The following CHRDL2 variants were observed in gnomAD, a reference collection of about 807,000 sequenced individuals.
CHRDL2 encodes the protein chordin-like protein 2.
A neutral mutation model predicts 54.3 loss-of-function variants in CHRDL2; 41 were observed. The observed-to-expected ratio is 0.76, with a 90% CI of 0.59 to 0.98. The LOEUF (loss-of-function observed/expected upper bound fraction) is 0.98. Among genes scored for constraint, CHRDL2 ranks in the 50% least tolerant of loss-of-function variants. CHRDL2 has a pLI of 0.00. For synonymous variants in CHRDL2, 220 were observed against 224.3 expected (o/e 0.98, Z 0.17); for missense variants, 518 against 562.4 (o/e 0.92, Z 0.80).
chr11:74,718,123 G>T (rs1202836771), intron 2 of CHRDL2, among the ~76,000 whole-genome samples: 1 of 152,196 alleles, frequency 6.6e-6, no homozygotes, highest in East Asian at 1.9e-4. Context: ...CCAGGTGTGA[G>T]TGAGGGCCCA....
At chr11:74,723,380 T>G (rs1157192669) in intron 1 of CHRDL2, among the ~76,000 whole-genome samples, 2 of 152,210 alleles carry the variant, frequency 1.3e-5, no homozygotes, top group Non-Finnish European at 2.9e-5. Context: ...AGTGGATGCC[T>G]GAAACCACAG....
At chr11:74,719,512 T>A (rs2034456318) in intron 1 of CHRDL2, among the ~76,000 whole-genome samples, 1 of 151,866 alleles carries the variant, frequency 6.6e-6, no homozygotes, top group Non-Finnish European at 1.5e-5. Flanking sequence ...AGAGGAGGAT[T>A]GGCAGGGATG....
At position 74,711,220 on chromosome 11, in the gene CHRDL2, C is replaced by T. The variant is rs144637691; in HGVS notation, c.290-229G>A. ...CCCTCCCATGACCTCTACCACAGCCCTCCAGCCCCCTCAGTGTCTGGGCCA... is the reference window on the plus strand; with the variant it reads ...CCCTCCCATGACCTCTACCACAGCCTTCCAGCCCCCTCAGTGTCTGGGCCA... On this transcript the variant is annotated intron_variant, in intron 3 of 10. Coordinates refer to ENST00000376332, the MANE Select transcript of CHRDL2 (RefSeq NM_001278473.3). 1.2e-4 allele frequency among the ~76,000 whole-genome samples: 18 copies of T among 152,308 alleles called. No homozygotes were observed. In the East Asian group the frequency reaches 3.3e-3, roughly 28 times the overall value.
chr11:74,723,155 G>A (rs766977994), intron 1 of CHRDL2, among the ~76,000 whole-genome samples: 2 of 152,120 alleles, frequency 1.3e-5, no homozygotes, highest in African/African-American at 4.8e-5. Context: ...GTACAGATTT[G>A]AGAAACACTT....
chr11:74,730,672 G>C lies in CHRDL2; in HGVS notation c.82+135C>G, dbSNP rs1395618615. ...TCCCCCGGCCCATACTGGTCCTCAC[G>C]GAGTCTCCACCCCTCCGGCACAGGT... On this transcript the variant is annotated intron_variant, in intron 1 of 10. Transcript: ENST00000376332. 3.4e-5 allele frequency: 27 copies of C among 801,950 alleles called. 1 individual carries two copies. The allele number at this position is 801,950 out of a possible 1,614,324, so 49.7% of individuals were successfully genotyped here. A position where few individuals can be genotyped will look rare whatever the true frequency, so the allele number is the denominator to read the frequency against.
intron 1 of CHRDL2, among the ~76,000 whole-genome samples, chr11:74,720,517 G>GC (rs1424130439): frequency 1.3e-5 from 2 of 151,966 alleles, no homozygotes; most frequent in African/African-American, 4.8e-5. Flanking sequence ...TTCTCTCTCT[G>GC]CCCCACCAGC....
chr11:74,709,954 C>T (rs1056324525), intron 4 of CHRDL2, among the ~76,000 whole-genome samples: 3 of 152,124 alleles, frequency 2.0e-5, no homozygotes, highest in African/African-American at 2.4e-5. Flanking sequence ...CGGTGGCTCA[C>T]GCCTGTAATC....
At chr11:74,701,683 T>G (rs2033817495) in intron 9 of CHRDL2, 1 of 696,090 alleles carries the variant, frequency 1.4e-6, no homozygotes, top group Non-Finnish European at 2.7e-6. Context: ...ACTCTCAGGA[T>G]CGTTGAGGAT....
At chr11:74,720,586 G>T (rs1181280719) in intron 1 of CHRDL2, among the ~76,000 whole-genome samples, 1 of 136,500 alleles carries the variant, frequency 7.3e-6, no homozygotes, top group Admixed American at 8.3e-5. Flanking sequence ...AAATGGAGAA[G>T]CTGCCTCTCA....
At chr11:74,698,076 T>C (rs1206207885) in intron 9 of CHRDL2, among the ~76,000 whole-genome samples, 1 of 151,354 alleles carries the variant, frequency 6.6e-6, no homozygotes, top group African/African-American at 2.4e-5. Context: ...TCTTTTTTTT[T>C]TTTTTTGACG....
At chr11:74,707,949 C>T (rs1194046052) in intron 5 of CHRDL2, among the ~76,000 whole-genome samples, 3 of 152,126 alleles carry the variant, frequency 2.0e-5, no homozygotes, top group Admixed American at 6.6e-5. Flanking sequence ...TCCTCTACCA[C>T]GCCCAGACTT....
At chr11:74,722,811 T>C (rs2034518395) in intron 1 of CHRDL2, among the ~76,000 whole-genome samples, 1 of 152,092 alleles carries the variant, frequency 6.6e-6, no homozygotes, top group Non-Finnish European at 1.5e-5. Context: ...CCACAGACCT[T>C]GGGCGGGGAT....
intron 3 of CHRDL2, among the ~76,000 whole-genome samples, chr11:74,712,095 C>T (rs2034209701): frequency 6.6e-6 from 1 of 152,080 alleles, no homozygotes; most frequent in South Asian, 2.1e-4. Flanking sequence ...CAGATACAAG[C>T]CACCGTGACT....
chr11:74,730,149 A>G (rs2034629082), intron 1 of CHRDL2, among the ~76,000 whole-genome samples: 1 of 152,086 alleles, frequency 6.6e-6, no homozygotes, highest in African/African-American at 2.4e-5. Context: ...GATGGTGAAG[A>G]CGCTGGTCTA....
At chr11:74,706,682 T>C in intron 5 of CHRDL2, 140 bp from the exon 6 acceptor site, 1 of 725,276 alleles carries the variant, frequency 1.4e-6, no homozygotes, top group Non-Finnish European at 2.3e-6. Context: ...AGCCAGCTCC[T>C]TTGCCCCAGT....
At chr11:74,697,667 T>C (rs2033647845) in intron 9 of CHRDL2, 1 of 457,920 alleles carries the variant, frequency 2.2e-6, no homozygotes, top group South Asian at 1.6e-5. Flanking sequence ...CTGTCTGTTC[T>C]CTTTGCTGAT....
chr11:74,714,052 G>A (rs962979166), intron 2 of CHRDL2, among the ~76,000 whole-genome samples: 1 of 152,130 alleles, frequency 6.6e-6, no homozygotes, highest in Admixed American at 6.5e-5. Context: ...CATAGCAAGC[G>A]AGAGAATTGG....
At chr11:74,725,629 T>G (rs1327836895) in intron 1 of CHRDL2, among the ~76,000 whole-genome samples, 1 of 152,128 alleles carries the variant, frequency 6.6e-6, no homozygotes. Flanking sequence ...GGTGGTCAGT[T>G]AGAAGGGGTT....
At chr11:74,706,278 A>C (rs1026242123) in intron 6 of CHRDL2, among the ~76,000 whole-genome samples, 1 of 152,122 alleles carries the variant, frequency 6.6e-6, no homozygotes, top group Non-Finnish European at 1.5e-5. Context: ...TGTTTCCCCC[A>C]GGCCACTCCT....
Sources: allele counts gnomAD v4.1 joint callset (sites outside exome capture counted in the v4.1 genomes callset), GRCh38; gene constraint gnomAD v4.1.1; transcripts MANE v1.5; gene names NCBI Gene and HGNC (gene_info 2026-07-23, HGNC 2026-07-21).